The following SPTBN4 variants were observed in gnomAD, a reference collection of about 807,000 sequenced individuals.
The protein encoded by SPTBN4 is spectrin beta, non-erythrocytic 4, also known as spectrin beta chain, non-erythrocytic 4.
Under a neutral mutation model 277.8 loss-of-function variants are expected in SPTBN4, and 96 were observed. The ratio of observed to expected loss-of-function variants is 0.35; its 90% CI spans 0.29 to 0.41. The LOEUF (loss-of-function observed/expected upper bound fraction) is 0.41, where lower values mean the gene tolerates loss of function less well. Among genes scored for constraint, SPTBN4 ranks in the 10% least tolerant of loss-of-function variants. SPTBN4 has a pLI of 1.00. For missense variants in SPTBN4, 3,006 were observed against 3,595.7 expected (o/e 0.84, Z 4.19); for synonymous variants, 1,481 against 1,580.3 (o/e 0.94, Z 1.49).
intron 35 of SPTBN4, chr19:40,572,694 C>T (rs558252612): frequency 2.9e-5 from 10 of 343,112 alleles, no homozygotes; most frequent in South Asian, 1.8e-4. Context: ...CGCGGTGGCT[C>T]ACGCTTGTAA....
At chr19:40,491,304 G>A (rs1400950081) in intron 4 of SPTBN4, among the ~76,000 whole-genome samples, 2 of 152,148 alleles carry the variant, frequency 1.3e-5, no homozygotes, top group African/African-American at 4.8e-5. Flanking sequence ...GAGAATGGGA[G>A]GCAACGGGAG....
At chr19:40,512,433 G>C (rs2080400802) in intron 13 of SPTBN4, among the ~76,000 whole-genome samples, 173 bp from the exon 14 acceptor site, 1 of 152,226 alleles carries the variant, frequency 6.6e-6, no homozygotes, top group Non-Finnish European at 1.5e-5. Flanking sequence ...AGAGGGTCGA[G>C]GAGGAGCCTG....
At position 40,534,068 on chromosome 19, in the gene SPTBN4, C is replaced by CA; in HGVS notation, c.4096-11dup. On this transcript the variant is annotated splice_polypyrimidine_tract_variant and intron_variant, in intron 19 of 35. Coordinates refer to ENST00000598249, the MANE Select transcript of SPTBN4 (RefSeq NM_020971.3). ...TCTTCTCCATCTCCTGCCATCCACC[C>CA]ACTTGGGGCAGGAGGGCCAGCAACT... is the stretch of plus-strand genomic sequence containing the variant. The CA allele has an allele frequency of 6.3e-7, 1 of 1,594,318 alleles. No individual in the cohort carries two copies. Among genetic ancestry groups the CA allele is most frequent in the Non-Finnish European group, 8.6e-7 (1 of 1,165,760 alleles).
rs575592577 is a variant in SPTBN4, at chr19:40,539,591, C to G, written c.4359+5248C>G. Reference sequence around the variant, plus strand: ...TCCTGGCTTCAAGTGATTCTCCTGCCTCAGCGTCCTCCTGAGTAGCTGGGA... The same window carrying G: ...TCCTGGCTTCAAGTGATTCTCCTGCGTCAGCGTCCTCCTGAGTAGCTGGGA... On this transcript the variant is annotated intron_variant, in intron 20 of 35. Transcript: ENST00000598249. Among the ~76,000 whole-genome samples the G allele has an allele frequency of 1.5e-4, 23 of 152,256 alleles. No homozygotes were observed. In the East Asian group the frequency reaches 4.3e-3, roughly 28 times the overall value.
rs764289448 is a variant in SPTBN4, at chr19:40,573,597, G to A, written c.7536+1217G>A. Reference sequence around the variant, plus strand: ...TGTAATCCCAGCACTTCGGGAGGCCGAGGCGGGTGGATCACCTGAGGTCAG... The same window carrying A: ...TGTAATCCCAGCACTTCGGGAGGCCAAGGCGGGTGGATCACCTGAGGTCAG... On this transcript the variant is annotated intron_variant, in intron 35 of 35. Coordinates refer to ENST00000598249, the MANE Select transcript of SPTBN4 (RefSeq NM_020971.3). Among the ~76,000 whole-genome samples, 410 of 152,330 alleles carry A rather than the reference G, an allele frequency of 2.7e-3. 3 individuals carry two copies. The highest frequency in any genetic ancestry group is 6.8e-3 in the Middle Eastern group (2 of 294).
At chr19:40,570,818 C>G in intron 33 of SPTBN4, 90 bp downstream of exon 33, 1 of 1,366,034 alleles carries the variant, frequency 7.3e-7, no homozygotes, top group Non-Finnish European at 9.7e-7. Flanking sequence ...GGGTGTGGCT[C>G]AACTTCAGGC....
intron 20 of SPTBN4, among the ~76,000 whole-genome samples, chr19:40,536,685 A>C (rs958999431): frequency 1.1e-4 from 16 of 152,200 alleles, no homozygotes; most frequent in African/African-American, 3.9e-4. Flanking sequence ...ATAATGGCTC[A>C]TGCCTGTATC....
chr19:40,519,343 C>A lies in SPTBN4; in HGVS notation c.2904-58C>A. 1 of 1,412,730 alleles carries A rather than the reference C, an allele frequency of 7.1e-7. No individual in the cohort carries two copies. The highest frequency in any genetic ancestry group is 9.2e-7 in the Non-Finnish European group (1 of 1,083,618). The allele number at this position is 1,412,730 out of a possible 1,614,324, so 87.5% of individuals were successfully genotyped here. On this transcript the variant is annotated intron_variant, in intron 15 of 35. Transcript: ENST00000598249. This position sits in a 1 kb window ranked among gnomAD's most constrained non-coding sequence, Gnocchi z 5.7. ...TGGATTCTACCCTGGGTCGGCGGGC[C>A]CTCCGCGCCCAAGAGGAGTCCCTGT...
intron 7 of SPTBN4, among the ~76,000 whole-genome samples, chr19:40,498,217 G>T (rs1176924820): frequency 6.6e-6 from 1 of 151,866 alleles, no homozygotes; most frequent in East Asian, 1.9e-4. Context: ...ACCAGGATCA[G>T]CCCTGACACC....
At position 40,560,324 on chromosome 19, in the gene SPTBN4, C is replaced by T. The variant is rs535013843; in HGVS notation, c.5836C>T (p.Arg1946Cys). Residue 1946 changes from arginine (R) to cysteine (C), a missense_variant, in exon 27 of 36, where the codon CGC becomes TGC. Transcript: ENST00000598249. The surrounding 1 kb of genome is among the most constrained non-coding windows in gnomAD (Gnocchi z 5.2). ...LHVSSTADAL[R>C]FHSQVRDLLS... The stretch of plus-strand genomic sequence containing the variant: ...TGTCAGCTCCACAGCCGACGCCCTG[C>T]GCTTCCACAGCCAAGTCCGCGACCT... The T allele has an allele frequency of 1.4e-5, 23 of 1,614,106 alleles. No homozygotes were observed. Among genetic ancestry groups the T allele is most frequent in the South Asian group, 2.2e-5 (2 of 91,086 alleles).
Position 40,502,045 on chromosome 19 carries a change from C to A in SPTBN4, c.897+12C>A, listed in dbSNP as rs1343205929. Reference sequence around the variant, plus strand: ...AGCGTATCGGGAAGGTATAAGGAGCCAAGGAGTGGGTGAGTGGGAAGCTGG... The same window carrying A: ...AGCGTATCGGGAAGGTATAAGGAGCAAAGGAGTGGGTGAGTGGGAAGCTGG... On this transcript the variant is annotated intron_variant, in intron 8 of 35. Coordinates refer to ENST00000598249, the MANE Select transcript of SPTBN4 (RefSeq NM_020971.3). The surrounding 1 kb of genome is among the most constrained non-coding windows in gnomAD (Gnocchi z 4.9). 2 of 1,614,044 alleles carry A rather than the reference C, an allele frequency of 1.2e-6. No individual in the cohort carries two copies.
chr19:40,496,893 T>C (rs894312930), intron 6 of SPTBN4, among the ~76,000 whole-genome samples: 2 of 151,500 alleles, frequency 1.3e-5, no homozygotes, highest in Non-Finnish European at 1.5e-5. Flanking sequence ...GCCAACATGG[T>C]GAAACCCCGT....
intron 7 of SPTBN4, among the ~76,000 whole-genome samples, chr19:40,499,026 G>A (rs975293670): frequency 1.3e-5 from 2 of 151,466 alleles, no homozygotes; most frequent in Admixed American, 6.6e-5. Context: ...TTGTTCTTAT[G>A]TTCATTTATT....
Position 40,519,790 on chromosome 19 carries a change from A to G in SPTBN4, c.3293A>G (p.Asp1098Gly). ...CTGCAGCGCTTCCTACATGACCTCG[A>G]CGCTTTCCTGGACTGGCTCGTGCGC... ...GRLQRFLHDL[D>G]AFLDWLVRAQ... Residue 1098 changes from aspartate (D) to glycine (G), a missense_variant, in exon 16 of 36, where the codon GAC becomes GGC. Around this residue, in one of 5 missense-constraint regions of SPTBN4, gnomAD observed 1,759 missense variants for 2,061.5 expected, o/e 0.85. Coordinates refer to ENST00000598249, the MANE Select transcript of SPTBN4 (RefSeq NM_020971.3). The surrounding 1 kb of genome is among the most constrained non-coding windows in gnomAD (Gnocchi z 5.7). The G allele has an allele frequency of 7.0e-7, 1 of 1,435,422 alleles. No homozygotes were observed. Among genetic ancestry groups the G allele is most frequent in the Non-Finnish European group, 9.0e-7 (1 of 1,108,084 alleles). The allele number at this position is 1,435,422 out of a possible 1,614,324, so 88.9% of individuals were successfully genotyped here. A position where few individuals can be genotyped will look rare whatever the true frequency, so the allele number is the denominator to read the frequency against.
At chr19:40,544,220 G>A (rs2080832331) in intron 20 of SPTBN4, among the ~76,000 whole-genome samples, 1 of 148,806 alleles carries the variant, frequency 6.7e-6, no homozygotes, top group African/African-American at 2.5e-5. Flanking sequence ...TCAGCTCACT[G>A]CAACCTCCGC....
At chr19:40,551,774 A>G (rs948760731) in intron 22 of SPTBN4, among the ~76,000 whole-genome samples, 1 of 152,014 alleles carries the variant, frequency 6.6e-6, no homozygotes, top group African/African-American at 2.4e-5. Context: ...CAGGATGATC[A>G]CTTGAGCCCA....
At position 40,554,480 on chromosome 19, in the gene SPTBN4, C is replaced by T. The variant is rs2080954835; in HGVS notation, c.4954-36C>T. ...TGGGGGCGCTGGAGCCGGGGGCCGC[C>T]GCTGCCGCCTCATCGTGGGCGCTTT... On this transcript the variant is annotated intron_variant, in intron 23 of 35. Coordinates refer to ENST00000598249, the MANE Select transcript of SPTBN4 (RefSeq NM_020971.3). This position sits in a 1 kb window ranked among gnomAD's most constrained non-coding sequence, Gnocchi z 5.7. The T allele has an allele frequency of 3.4e-6, 5 of 1,486,758 alleles. No homozygotes were observed. In the South Asian group the frequency reaches 4.0e-5, roughly 12 times the overall value. 92.1% of individuals were successfully genotyped at this position (1,486,758 alleles called of 1,614,324 possible).
At chr19:40,503,140 G>T (rs2080283036) in intron 11 of SPTBN4, among the ~76,000 whole-genome samples, 1 of 152,150 alleles carries the variant, frequency 6.6e-6, no homozygotes, top group Non-Finnish European at 1.5e-5. Flanking sequence ...GGTAATGGGA[G>T]AGTGAGGCTG....
chr19:40,529,213 GA>G (rs2080632115), intron 18 of SPTBN4, 82 bp downstream of exon 18: 1 of 1,321,458 alleles, frequency 7.6e-7, no homozygotes, highest in East Asian at 2.3e-5. Flanking sequence ...TGGGGGTGGG[GA>G]CGCCCCGTCT....
Sources: gnomAD v4.1 joint callset for allele counts (sites outside exome capture counted in the v4.1 genomes callset) on GRCh38, gnomAD v4.1.1 for gene constraint, gnomAD v4.1.1 regional missense constraint, Gnocchi (gnomAD v3.1) non-coding constraint, MANE v1.5 for transcripts, NCBI Gene and HGNC (gene_info 2026-07-23, HGNC 2026-07-21) for gene names.